The following PNKD variants were observed in gnomAD, a reference collection of about 807,000 sequenced individuals.
The protein encoded by PNKD is PNKD metallo-beta-lactamase domain containing, also known as probable thioesterase PNKD.
A neutral mutation model predicts 45.3 loss-of-function variants in PNKD; 36 were observed. The ratio of observed to expected loss-of-function variants is 0.80; its 90% CI spans 0.61 to 1.05. The LOEUF (loss-of-function observed/expected upper bound fraction) is 1.05. PNKD is among the 50% of genes least tolerant of loss of function. The pLI, the probability that PNKD is intolerant of heterozygous loss-of-function variation, is 0.00. For missense variants in PNKD, 511 were observed against 506.6 expected, an observed-to-expected ratio of 1.01 and a Z score of -0.08; for synonymous variants, 197 against 210.1, an observed-to-expected ratio of 0.94 and a Z score of 0.54.
At chr2:218,324,812 G>C (rs951089574) in intron 2 of PNKD, among the ~76,000 whole-genome samples, 2 of 151,754 alleles carry the variant, frequency 1.3e-5, no homozygotes, top group African/African-American at 4.8e-5. Context: ...GTAAGCGCCT[G>C]TAATCCCAGC....
At chr2:218,291,739 C>T (rs188701351) in intron 2 of PNKD, among the ~76,000 whole-genome samples, 6 of 152,280 alleles carry the variant, frequency 3.9e-5, no homozygotes, top group African/African-American at 1.2e-4. Flanking sequence ...TCCCTTTTCC[C>T]GTTTCTCTGT....
intron 2 of PNKD, chr2:218,277,567 G>T: frequency 2.5e-6 from 4 of 1,610,718 alleles, no homozygotes; most frequent in Non-Finnish European, 3.4e-6. Context: ...CTGGCTGCCG[G>T]CCCAGGAACA....
At chr2:218,335,743 C>A (rs1405722408) in intron 2 of PNKD, among the ~76,000 whole-genome samples, 2 of 152,186 alleles carry the variant, frequency 1.3e-5, no homozygotes, top group African/African-American at 4.8e-5. Flanking sequence ...TCAATATAAA[C>A]CCATGGGTAC....
At position 218,342,070 on chromosome 2, in the gene PNKD, A is replaced by G; in HGVS notation, c.707A>G (p.Tyr236Cys). 6.2e-7 allele frequency: 1 copy of G among 1,612,096 alleles called. No individual in the cohort carries two copies. The highest frequency in any genetic ancestry group is 8.5e-7 in the Non-Finnish European group (1 of 1,178,206). Residue 236 changes from tyrosine to cysteine, a missense_variant, in exon 7 of 10, where the codon TAC becomes TGC. Coordinates refer to ENST00000273077, the MANE Select transcript of PNKD (RefSeq NM_015488.5). ...TPGHTQGHLV[Y>C]LLDGEPYKGP... is the part of the protein sequence containing the mutation. ...GGCCACACACAAGGCCATCTGGTCT[A>G]CCTACTGGATGGGGAGCCCTACAAG...
intron 2 of PNKD, chr2:218,285,666 G>A (rs986527338): frequency 1.1e-4 from 17 of 152,288 alleles, no homozygotes; most frequent in African/African-American, 3.1e-4. Context: ...GGGACAGGAC[G>A]AGATCCTAGC....
chr2:218,318,955 T>C (rs1269203294), intron 2 of PNKD, among the ~76,000 whole-genome samples: 5 of 127,390 alleles, frequency 3.9e-5, no homozygotes, highest in African/African-American at 9.5e-5. Context: ...TTTTTCTTTT[T>C]TTTTTTTTTT....
At chr2:218,315,377 G>A (rs973485502) in intron 2 of PNKD, among the ~76,000 whole-genome samples, 9 of 151,590 alleles carry the variant, frequency 5.9e-5, no homozygotes, top group Non-Finnish European at 1.0e-4. Flanking sequence ...CTTTGACCTC[G>A]TCATCCACCC....
At chr2:218,311,442 G>A (rs974984901) in intron 2 of PNKD, among the ~76,000 whole-genome samples, 3 of 152,192 alleles carry the variant, frequency 2.0e-5, no homozygotes, top group Non-Finnish European at 2.9e-5. Flanking sequence ...CTATCTTAGC[G>A]AGGGGAGTGT....
intron 2 of PNKD, among the ~76,000 whole-genome samples, chr2:218,285,090 G>A (rs563031929): frequency 5.3e-5 from 8 of 152,076 alleles, no homozygotes; most frequent in Non-Finnish European, 1.2e-4. Context: ...ACTTTGTCTC[G>A]AAGAAAATAA....
At chr2:218,277,267 G>T in intron 2 of PNKD, 1 of 1,232,938 alleles carries the variant, frequency 8.1e-7, no homozygotes, top group Non-Finnish European at 1.2e-6. Context: ...ATGAGGAGAA[G>T]GGGATCAGGT....
At position 218,340,669 on chromosome 2, in the gene PNKD, C is replaced by A. The variant is rs1559532350; in HGVS notation, c.466-59C>A. 2.3e-6 allele frequency: 3 copies of A among 1,281,992 alleles called. No homozygotes were observed. The highest frequency in any genetic ancestry group is 1.5e-5 in the African/African-American group (1 of 68,348). The allele number at this position is 1,281,992 out of a possible 1,614,324, so 79.4% of individuals were successfully genotyped here. On this transcript the variant is annotated intron_variant, in intron 4 of 9. Transcript: ENST00000273077. The surrounding 1 kb of genome is among the most constrained non-coding windows in gnomAD (Gnocchi z 4.2). ...CCAGCGCCCACACTCCTGGCTCTTG[C>A]TGCTTCAAGTGCCTCTTGCATCCTG... is the stretch of plus-strand genomic sequence containing the variant.
chr2:218,280,133 A>T (rs1691730585), intron 2 of PNKD: 11 of 1,605,560 alleles, frequency 6.9e-6, no homozygotes, highest in Non-Finnish European at 9.4e-6. Flanking sequence ...GGGCCTAGGG[A>T]CAGATGACAC....
At chr2:218,294,126 A>T (rs558194229) in intron 2 of PNKD, among the ~76,000 whole-genome samples, 22 of 151,966 alleles carry the variant, frequency 1.4e-4, no homozygotes, top group Admixed American at 9.8e-4. Flanking sequence ...TCATTTTAGG[A>T]AGTCCCCACC....
At position 218,284,168 on chromosome 2, in the gene PNKD, G is replaced by GA. The variant is rs71064427; in HGVS notation, c.236+12633dup. ...AACAGAGTGAGACTCCATCTCAAAA[G>GA]AAAAAAAAAAAAAAGCACTGGCCGG... On this transcript the variant is annotated intron_variant, in intron 2 of 9. Transcript: ENST00000273077. 164 of 128,972 alleles carry GA rather than the reference G, an allele frequency of 1.3e-3. 1 individual carries two copies. The highest frequency in any genetic ancestry group is 2.1e-3 in the East Asian group (9 of 4,366). 8.0% of individuals were successfully genotyped at this position (128,972 alleles called of 1,614,324 possible).
chr2:218,329,203 T>C (rs895549015), intron 2 of PNKD, among the ~76,000 whole-genome samples: 4 of 152,074 alleles, frequency 2.6e-5, no homozygotes, highest in African/African-American at 9.7e-5. Flanking sequence ...AGCAAGACTC[T>C]GTGTCAAAAC....
chr2:218,307,575 A>G (rs1693453238), intron 2 of PNKD, among the ~76,000 whole-genome samples: 1 of 152,122 alleles, frequency 6.6e-6, no homozygotes, highest in African/African-American at 2.4e-5. Context: ...AATGCAAGCA[A>G]TGTGGAGCAG....
rs775603840 is a variant in PNKD, at chr2:218,344,869, C to T, written c.1046C>T (p.Ala349Val). 6.8e-6 allele frequency: 11 copies of T among 1,613,946 alleles called. No homozygotes were observed. Among genetic ancestry groups the T allele is most frequent in the Admixed American group, 3.3e-5 (2 of 60,026 alleles). ...YNPFLRTHCLALQEALGPGPG... is the reference protein window; with the variant it reads ...YNPFLRTHCLVLQEALGPGPG... ...CCGTTCCTGAGAACCCACTGCCTGGCGCTACAGGAGGCTCTGGGGCCGGGG... is the reference window on the plus strand; with the variant it reads ...CCGTTCCTGAGAACCCACTGCCTGGTGCTACAGGAGGCTCTGGGGCCGGGG... Residue 349 changes from alanine to valine, a missense_variant, in exon 10 of 10, where the codon GCG becomes GTG. By Grantham distance (64) the Ala-to-Val change is moderately conservative (BLOSUM62 0). Coordinates refer to ENST00000273077, the MANE Select transcript of PNKD (RefSeq NM_015488.5).
At chr2:218,280,805 C>CTTTTTTTTTTTTTTTT (rs950294415) in intron 2 of PNKD, 1 of 104,040 alleles carries the variant, frequency 9.6e-6, no homozygotes, top group African/African-American at 4.5e-5. Flanking sequence ...ACCTCATTTC[C>CTTTTTTTTTTTTTTTT]TTTTTTTTTT....
At chr2:218,315,021 T>TTTCC (rs1693743588) in intron 2 of PNKD, among the ~76,000 whole-genome samples, 1 of 808 alleles carries the variant, frequency 1.2e-3, no homozygotes, top group Admixed American at 0.029. Context: ...TTTTTCTTTC[T>TTTCC]TTCTTTCTTT....
Sources: gnomAD v4.1 joint callset for allele counts (sites outside exome capture counted in the v4.1 genomes callset) on GRCh38, gnomAD v4.1.1 for gene constraint, Gnocchi (gnomAD v3.1) non-coding constraint, MANE v1.5 for transcripts, NCBI Gene and HGNC (gene_info 2026-07-23, HGNC 2026-07-21) for gene names.